The following DPP10 variants were observed in gnomAD, a reference collection of about 807,000 sequenced individuals.
The protein encoded by DPP10 is dipeptidyl peptidase like 10, also known as inactive dipeptidyl peptidase 10.
DPP10 carries 33 observed loss-of-function variants against 120.9 expected under a neutral mutation model. That is an observed-to-expected ratio of 0.27 (90% CI 0.21 to 0.37). The LOEUF (loss-of-function observed/expected upper bound fraction) is 0.37, where lower values mean the gene tolerates loss of function less well. Ranked by LOEUF, DPP10 falls within the 10% of genes least tolerant of loss-of-function variation. The pLI is 1.00. For missense variants in DPP10, 816 were observed against 942.8 expected, an observed-to-expected ratio of 0.87 and a Z score of 1.76; for synonymous variants, 337 against 326.1, an observed-to-expected ratio of 1.03 and a Z score of -0.36.
At chr2:115,128,948 G>A (rs1188215319) in intron 1 of DPP10, among the ~76,000 whole-genome samples, 1 of 152,128 alleles carries the variant, frequency 6.6e-6, no homozygotes, top group Non-Finnish European at 1.5e-5. Context: ...ACAATACATT[G>A]TCCATTGGCT....
intron 2 of DPP10, among the ~76,000 whole-genome samples, chr2:115,337,918 T>A (rs907278411): frequency 4.6e-5 from 7 of 151,944 alleles, no homozygotes; most frequent in African/African-American, 1.4e-4. Context: ...CCAAATACAT[T>A]AATTATTAAA....
At chr2:115,440,483 CTTG>C (rs1475170549) in intron 3 of DPP10, among the ~76,000 whole-genome samples, 1 of 144,278 alleles carries the variant, frequency 6.9e-6, no homozygotes, top group Non-Finnish European at 1.5e-5. Context: ...AATTTCTTAT[CTTG>C]TTGTACCCAA....
At chr2:115,707,578 A>T (rs538114192) in intron 7 of DPP10, among the ~76,000 whole-genome samples, 11,709 of 151,862 alleles carry the variant, frequency 0.077, 632 homozygotes, top group Non-Finnish European at 0.11. Flanking sequence ...ATGTGTCTCA[A>T]GACATACATT....
chr2:115,098,740 G>C (rs2048529723), intron 1 of DPP10, among the ~76,000 whole-genome samples: 1 of 152,134 alleles, frequency 6.6e-6, no homozygotes, highest in African/African-American at 2.4e-5. Flanking sequence ...CAGTAAATGA[G>C]ACAAACTACA....
intron 1 of DPP10, among the ~76,000 whole-genome samples, chr2:114,626,834 C>T (rs1269451812): frequency 6.6e-6 from 1 of 152,118 alleles, no homozygotes; most frequent in African/African-American, 2.4e-5. Context: ...TACGAGTTGG[C>T]ATTAAGAGAT....
chr2:114,492,527 T>A (rs1299992890), intron 1 of DPP10, among the ~76,000 whole-genome samples: 1 of 152,202 alleles, frequency 6.6e-6, no homozygotes, highest in Admixed American at 6.5e-5. Context: ...TTTGAAAATG[T>A]CCTATAAGAT....
chr2:115,470,562 A>AT (rs1431923971), intron 3 of DPP10, among the ~76,000 whole-genome samples: 1 of 152,042 alleles, frequency 6.6e-6, no homozygotes. Context: ...GAGAAAAAAA[A>AT]CTCCATCCAG....
chr2:114,545,473 T>C (rs7590021), intron 1 of DPP10, among the ~76,000 whole-genome samples: 38,452 of 152,006 alleles, frequency 0.25, 5,256 homozygotes, highest in East Asian at 0.53. Context: ...TGAGGGACAC[T>C]GTTGAGGAGA....
intron 1 of DPP10, among the ~76,000 whole-genome samples, chr2:114,887,429 A>AT (rs1692167559): frequency 6.6e-6 from 1 of 152,238 alleles, no homozygotes; most frequent in African/African-American, 2.4e-5. Flanking sequence ...AATATAGATA[A>AT]TTCAGTTTTA....
chr2:114,874,019 G>A lies in DPP10; in HGVS notation c.60+431181G>A, dbSNP rs536532157. ...TGTGTTCAAGTTGGCAGATAAAGTGGCTGCATTCAAAGACAAACTGGAATT... is the reference window on the plus strand; with the variant it reads ...TGTGTTCAAGTTGGCAGATAAAGTGACTGCATTCAAAGACAAACTGGAATT... On this transcript the variant is annotated intron_variant, in intron 1 of 25. Coordinates refer to ENST00000410059, the MANE Select transcript of DPP10 (RefSeq NM_020868.6). Among the ~76,000 whole-genome samples the A allele has an allele frequency of 1.2e-4, 19 of 152,292 alleles. No individual in the cohort carries two copies. The East Asian group carries it at 3.5e-3, about 28-fold the overall frequency.
intron 7 of DPP10, among the ~76,000 whole-genome samples, chr2:115,724,785 T>C (rs938372890): frequency 6.6e-6 from 1 of 152,196 alleles, no homozygotes; most frequent in Non-Finnish European, 1.5e-5. Context: ...AAGCATGGCA[T>C]ACACATCTGC....
chr2:115,282,437 A>G (rs1302781787), intron 1 of DPP10, among the ~76,000 whole-genome samples: 1 of 152,148 alleles, frequency 6.6e-6, no homozygotes, highest in African/African-American at 2.4e-5. Flanking sequence ...GTTTTCTGAA[A>G]ATAGAATTAA....
chr2:114,887,936 G>A (rs13395909), intron 1 of DPP10, among the ~76,000 whole-genome samples: 1,536 of 151,968 alleles, frequency 0.01, 23 homozygotes, highest in African/African-American at 0.036. Flanking sequence ...TCAGGAGATC[G>A]AGACCATCCT....
chr2:115,275,413 G>C (rs890929931), intron 1 of DPP10, among the ~76,000 whole-genome samples: 7 of 152,146 alleles, frequency 4.6e-5, no homozygotes, highest in Non-Finnish European at 8.8e-5. Context: ...TTCAGCACAT[G>C]ATTAGGGTGC....
chr2:114,805,282 G>A (rs915501394), intron 1 of DPP10, among the ~76,000 whole-genome samples: 3 of 152,128 alleles, frequency 2.0e-5, no homozygotes, highest in African/African-American at 7.2e-5. Context: ...TGTACATTTA[G>A]TAGTTGCCCT....
At chr2:115,294,053 C>T (rs2060776187) in intron 1 of DPP10, among the ~76,000 whole-genome samples, 1 of 152,044 alleles carries the variant, frequency 6.6e-6, no homozygotes, top group Non-Finnish European at 1.5e-5. Flanking sequence ...CTACCTGATT[C>T]AATGAATATT....
intron 1 of DPP10, among the ~76,000 whole-genome samples, chr2:114,968,638 G>GTTTA (rs1558936122): frequency 1.3e-5 from 2 of 152,100 alleles, no homozygotes; most frequent in African/African-American, 4.8e-5. Context: ...TGAACAATCT[G>GTTTA]TTTATAAAGT....
Position 114,920,321 on chromosome 2 carries a change from A to G in DPP10, c.61-388918A>G, listed in dbSNP as rs149254762. Among the ~76,000 whole-genome samples the G allele has an allele frequency of 3.3e-5, 5 of 152,346 alleles. No homozygotes were observed. In the East Asian group the frequency reaches 7.7e-4, roughly 24 times the overall value. On this transcript the variant is annotated intron_variant, in intron 1 of 25. Transcript: ENST00000410059. Reference sequence around the variant, plus strand: ...ACACATGTTCTAAGGAAGAATGTATAAGGCTGATTCTCTCATCCAGCTGTG... The same window carrying G: ...ACACATGTTCTAAGGAAGAATGTATGAGGCTGATTCTCTCATCCAGCTGTG...
chr2:115,478,435 A>G (rs1254540300), intron 3 of DPP10, among the ~76,000 whole-genome samples: 1 of 152,168 alleles, frequency 6.6e-6, no homozygotes, highest in African/African-American at 2.4e-5. Flanking sequence ...TAAGTGTTAA[A>G]CCTAAAACTA....
Sources: allele counts gnomAD v4.1 joint callset (sites outside exome capture counted in the v4.1 genomes callset), GRCh38; gene constraint gnomAD v4.1.1; transcripts MANE v1.5; gene names NCBI Gene and HGNC (gene_info 2026-07-23, HGNC 2026-07-21).